TMEM209: variants seen among roughly 807,000 people sequenced by gnomAD.
TMEM209 encodes testicular tissue protein Li 202.
TMEM209 carries 65 observed loss-of-function variants against 76.2 expected under a neutral mutation model. That is an observed-to-expected ratio of 0.85 (90% confidence interval 0.70 to 1.05). TMEM209 has a LOEUF of 1.05. Ranked by LOEUF, TMEM209 falls within the 50% of genes least tolerant of loss-of-function variation. TMEM209 has a pLI of 0.00. For synonymous variants in TMEM209, 239 were observed against 237.6 expected, an observed-to-expected ratio of 1.01 and a Z score of -0.06; for missense variants, 623 against 685.5, an observed-to-expected ratio of 0.91 and a Z score of 1.02.
In TMEM209 at chr7:130,193,752, A is replaced by C. The variant is rs368155511; in HGVS notation, c.574-929T>G. ...GAAAAGATGAATGAATAAATGGTGC[A>C]GTTTCATTCTGTATGATACTATAAT... On this transcript the variant is annotated intron_variant, in intron 5 of 14. Transcript: ENST00000397622. Among the ~76,000 whole-genome samples, 5 of 152,296 alleles carry C rather than the reference A, an allele frequency of 3.3e-5. No individual in the cohort carries two copies. In the South Asian group the frequency reaches 6.2e-4, roughly 19 times the overall value.
At chr7:130,178,272 G>T (rs965779314) in intron 10 of TMEM209, 130 bp downstream of exon 10, 7 of 905,216 alleles carry the variant, frequency 7.7e-6, no homozygotes, top group Non-Finnish European at 1.1e-5. Flanking sequence ...AAGTTATTAA[G>T]CTATAATTAA....
chr7:130,175,695 G>A (rs1176447223), intron 10 of TMEM209, 86 bp from the exon 11 acceptor site: 23 of 998,278 alleles, frequency 2.3e-5, no homozygotes, highest in South Asian at 7.1e-5. Flanking sequence ...AATAAGGGAA[G>A]CAAATCATTT....
intron 8 of TMEM209, among the ~76,000 whole-genome samples, chr7:130,182,273 A>T (rs1584677033): frequency 2.0e-5 from 3 of 151,068 alleles, no homozygotes; most frequent in East Asian, 1.9e-4. Flanking sequence ...ACATGTTTTT[A>T]TTTTTTTTCC....
chr7:130,196,659 A>G (rs1424629157), intron 5 of TMEM209, among the ~76,000 whole-genome samples: 1 of 152,144 alleles, frequency 6.6e-6, no homozygotes, highest in Non-Finnish European at 1.5e-5. Context: ...CCATATGAAG[A>G]GATACCAGAA....
rs746583768 is a variant in TMEM209 at position 130,165,602 on chromosome 7, T to C, written c.*849A>G. 6.6e-6 allele frequency: 1 copy of C among 151,912 alleles called. No individual in the cohort carries two copies. Among genetic ancestry groups the C allele is most frequent in the Non-Finnish European group, 1.5e-5 (1 of 67,986 alleles). The allele number at this position is 151,912 out of a possible 1,614,324, so 9.4% of individuals were successfully genotyped here. A position where few individuals can be genotyped will look rare whatever the true frequency, so the allele number is the denominator to read the frequency against. ...TACTTTCAAACCTCCTTTAATAATA[T>C]TTTAAAATATACATAAACTTAATAC... On this transcript the variant is annotated 3_prime_UTR_variant, in exon 15 of 15. Transcript: ENST00000397622.
intron 6 of TMEM209, among the ~76,000 whole-genome samples, chr7:130,188,410 C>A (rs753165196): frequency 1.3e-5 from 2 of 151,914 alleles, no homozygotes; most frequent in Non-Finnish European, 2.9e-5. Context: ...TCCTGGCTAA[C>A]ATGGTGAAAC....
intron 5 of TMEM209, among the ~76,000 whole-genome samples, chr7:130,201,315 T>C (rs1233330884): frequency 6.6e-6 from 1 of 152,090 alleles, no homozygotes; most frequent in Non-Finnish European, 1.5e-5. Context: ...CAATCCTGTT[T>C]CTATTAATCC....
intron 6 of TMEM209, among the ~76,000 whole-genome samples, chr7:130,191,846 A>T (rs1797806971): frequency 6.6e-6 from 1 of 152,130 alleles, no homozygotes; most frequent in Non-Finnish European, 1.5e-5. Flanking sequence ...AATATTTCAA[A>T]TTTTTTTCAA....
At chr7:130,176,199 G>A (rs1229632579) in intron 10 of TMEM209, among the ~76,000 whole-genome samples, 4 of 147,490 alleles carry the variant, frequency 2.7e-5, no homozygotes, top group East Asian at 2.0e-4. Flanking sequence ...TGCAAGCTCC[G>A]CCTCCCGGGT....
At chr7:130,184,314 T>C in intron 7 of TMEM209, 59 bp from the exon 8 acceptor site, 15 of 1,219,770 alleles carry the variant, frequency 1.2e-5, no homozygotes, top group Non-Finnish European at 1.7e-5. Flanking sequence ...ATAGAAATCA[T>C]CATTCTTTCT....
chr7:130,186,148 C>T lies in TMEM209; in HGVS notation c.776-781G>A, dbSNP rs539347979. The stretch of plus-strand genomic sequence containing the variant: ...GGTATTTATGAAGGGCTTATATTTT[C>T]GGAGTTTAACTGATATAAAAAATAT... On this transcript the variant is annotated intron_variant, in intron 6 of 14. Coordinates refer to ENST00000397622, the MANE Select transcript of TMEM209 (RefSeq NM_032842.4). Among the ~76,000 whole-genome samples, 8 of 152,108 alleles carry T rather than the reference C, an allele frequency of 5.3e-5. No individual in the cohort carries two copies. In the East Asian group the frequency reaches 9.7e-4, roughly 18 times the overall value.
chr7:130,166,274 C>T lies in TMEM209; in HGVS notation c.*177G>A, dbSNP rs770766983. The T allele has an allele frequency of 5.9e-5, 26 of 441,802 alleles. No individual in the cohort carries two copies. The highest frequency in any genetic ancestry group is 2.5e-4 in the Admixed American group (6 of 23,560). 27.4% of individuals were successfully genotyped at this position (441,802 alleles called of 1,614,324 possible). A position where few individuals can be genotyped will look rare whatever the true frequency, so the allele number is the denominator to read the frequency against. ...AGGCAATGTCTCGATATAGAAGATA[C>T]GGGACATATTTTTACAATTACATTT... On this transcript the variant is annotated 3_prime_UTR_variant, in exon 15 of 15. Coordinates refer to ENST00000397622, the MANE Select transcript of TMEM209 (RefSeq NM_032842.4).
intron 5 of TMEM209, 141 bp downstream of exon 5, chr7:130,201,709 T>A: frequency 9.7e-7 from 1 of 1,031,056 alleles, no homozygotes; most frequent in South Asian, 1.7e-5. Context: ...GATATTATGT[T>A]CTATTCTCGG....
intron 13 of TMEM209, 55 bp from the exon 14 acceptor site, chr7:130,170,528 G>C: frequency 7.2e-7 from 1 of 1,397,190 alleles, no homozygotes; most frequent in South Asian, 1.2e-5. Flanking sequence ...GATTCAATCT[G>C]GTAGGTAAAT....
rs143817707 is a variant in TMEM209 at position 130,192,653 on chromosome 7, A to G, written c.744T>C (p.Ser248=). Reference sequence around the variant, plus strand: ...TAACCCTATGCTGTTTCTCCTCTTCACTTCTGAGAAAAGTATCCAAAGTTC... The same window carrying G: ...TAACCCTATGCTGTTTCTCCTCTTCGCTTCTGAGAAAAGTATCCAAAGTTC... The part of the protein sequence containing the change: ...DLRTLDTFLR[S]EEEKQHRVKL... The change falls in exon 6 of 15, where the codon AGT becomes AGC. Residue 248 remains serine, a synonymous_variant. Coordinates refer to ENST00000397622, the MANE Select transcript of TMEM209 (RefSeq NM_032842.4). The G allele has an allele frequency of 3.8e-5, 62 of 1,613,662 alleles. No individual in the cohort carries two copies. In the East Asian group the frequency reaches 1.4e-3, roughly 35 times the overall value.
intron 13 of TMEM209, 81 bp downstream of exon 13, chr7:130,173,551 A>T: frequency 9.4e-7 from 1 of 1,063,726 alleles, no homozygotes; most frequent in South Asian, 1.5e-5. Flanking sequence ...TTCTATTAAC[A>T]TGAGATTATA....
chr7:130,192,970 G>C (rs1254939020), intron 5 of TMEM209, 147 bp from the exon 6 acceptor site: 4 of 729,272 alleles, frequency 5.5e-6, no homozygotes, highest in Admixed American at 5.6e-5. Context: ...TGGAACAACA[G>C]AATCTCTCAT....
At position 130,184,167 on chromosome 7, in the gene TMEM209, G is replaced by A. The variant is rs1417656868; in HGVS notation, c.1023+17C>T. On this transcript the variant is annotated intron_variant, in intron 8 of 14. Coordinates refer to ENST00000397622, the MANE Select transcript of TMEM209 (RefSeq NM_032842.4). ...AAGAGGCACTAATATTGTCCAAAGA[G>A]TAATGTCAGAACTTACATTTCTAAA... 6.4e-7 allele frequency: 1 copy of A among 1,573,068 alleles called. No individual in the cohort carries two copies. Among genetic ancestry groups the A allele is most frequent in the Non-Finnish European group, 8.7e-7 (1 of 1,153,996 alleles).
At chr7:130,201,625 G>A (rs1041244812) in intron 5 of TMEM209, among the ~76,000 whole-genome samples, 9 of 152,132 alleles carry the variant, frequency 5.9e-5, no homozygotes, top group Non-Finnish European at 8.8e-5. Context: ...CTGAAAGATC[G>A]TAGATGGTGC....
Sources: gnomAD v4.1 joint callset for allele counts (sites outside exome capture counted in the v4.1 genomes callset) on GRCh38, gnomAD v4.1.1 for gene constraint, MANE v1.5 for transcripts, NCBI Gene and HGNC (gene_info 2026-07-23, HGNC 2026-07-21) for gene names.